The following CADM2 variants were observed in gnomAD, a reference collection of about 807,000 sequenced individuals.
The protein encoded by CADM2 is immunoglobulin superfamily member 4D.
Under a neutral mutation model 49.8 loss-of-function variants are expected in CADM2, and 12 were observed. The ratio of observed to expected loss-of-function variants is 0.24; its 90% CI spans 0.15 to 0.39. The LOEUF is 0.39. Ranked by LOEUF, CADM2 falls within the 10% of genes least tolerant of loss-of-function variation. The probability of loss-of-function intolerance (pLI) is 1.00; values close to 1 mark genes in which losing one functional copy is unlikely to be tolerated. For missense variants in CADM2, 378 were observed against 492.3 expected (o/e 0.77, Z 2.20); for synonymous variants, 214 against 175.4 (o/e 1.22, Z -1.74).
intron 1 of CADM2, among the ~76,000 whole-genome samples, chr3:85,007,583 T>A (rs1269819418): frequency 6.6e-6 from 1 of 152,154 alleles, no homozygotes; most frequent in Non-Finnish European, 1.5e-5. Context: ...TCCGAGAGAA[T>A]GCTTTAACAG....
chr3:85,232,555 G>A (rs933611148), intron 1 of CADM2, among the ~76,000 whole-genome samples: 1 of 151,752 alleles, frequency 6.6e-6, no homozygotes. Flanking sequence ...AATATAAAAA[G>A]AACACTTCAA....
At chr3:85,530,774 C>A (rs1172391193) in intron 1 of CADM2, among the ~76,000 whole-genome samples, 1 of 151,742 alleles carries the variant, frequency 6.6e-6, no homozygotes, top group Non-Finnish European at 1.5e-5. Flanking sequence ...CTAATACATT[C>A]TTATTGGTAG....
intron 1 of CADM2, among the ~76,000 whole-genome samples, chr3:85,643,172 G>A (rs779375456): frequency 6.6e-6 from 1 of 152,218 alleles, no homozygotes; most frequent in African/African-American, 2.4e-5. Flanking sequence ...ATTTTGAATT[G>A]TACCATGCTT....
At chr3:85,268,198 T>C (rs1028481818) in intron 1 of CADM2, among the ~76,000 whole-genome samples, 1 of 151,208 alleles carries the variant, frequency 6.6e-6, no homozygotes, top group African/African-American at 2.4e-5. Flanking sequence ...AATGGCAGAG[T>C]AGGATGTGTC....
intron 8 of CADM2, among the ~76,000 whole-genome samples, chr3:86,035,110 G>A (rs1559814832): frequency 6.6e-6 from 1 of 151,892 alleles, no homozygotes; most frequent in African/African-American, 2.4e-5. Flanking sequence ...AAAATCTTTA[G>A]CATGGCATAC....
At chr3:85,127,264 G>A (rs1014886320) in intron 1 of CADM2, among the ~76,000 whole-genome samples, 3 of 152,104 alleles carry the variant, frequency 2.0e-5, no homozygotes, top group Non-Finnish European at 2.9e-5. Context: ...ATAATACTGT[G>A]CTTCAATGGA....
intron 5 of CADM2, among the ~76,000 whole-genome samples, chr3:85,891,356 T>G (rs1389735071): frequency 1.3e-5 from 2 of 152,214 alleles, no homozygotes; most frequent in Non-Finnish European, 2.9e-5. Context: ...AGATCTTTTC[T>G]ACCTAACTAG....
chr3:85,189,521 T>C (rs1055454872), intron 1 of CADM2, among the ~76,000 whole-genome samples: 2 of 152,208 alleles, frequency 1.3e-5, no homozygotes, highest in African/African-American at 4.8e-5. Context: ...TATATACATT[T>C]AGGTTCTGAA....
Position 85,229,571 on chromosome 3 carries a change from C to T in CADM2, c.61+269903C>T, listed in dbSNP as rs557958038. On this transcript the variant is annotated intron_variant, in intron 1 of 9. Coordinates refer to ENST00000383699, the MANE Select transcript of CADM2 (RefSeq NM_001167675.2). The stretch of plus-strand genomic sequence containing the variant: ...TAGGAGCTGCAGACCAGAGCTGATC[C>T]TATTTGGCCATCTTGCTGGACCCTG... Among the ~76,000 whole-genome samples, 12 of 152,248 alleles carry T rather than the reference C, an allele frequency of 7.9e-5. 1 individual carries two copies. In the South Asian group the frequency reaches 2.5e-3, roughly 32 times the overall value.
rs1308901969 is a variant in CADM2, at chr3:85,499,689, G to A, written c.62-226833G>A. On this transcript the variant is annotated intron_variant, in intron 1 of 9. Coordinates refer to ENST00000383699, the MANE Select transcript of CADM2 (RefSeq NM_001167675.2). ...ATGTACCTTTTTAAGATACAGTTGGGAAAAGAAAGTAAGGTGTTTCTATTT... is the reference window on the plus strand; with the variant it reads ...ATGTACCTTTTTAAGATACAGTTGGAAAAAGAAAGTAAGGTGTTTCTATTT... 2.6e-5 allele frequency among the ~76,000 whole-genome samples: 4 copies of A among 152,002 alleles called. No homozygotes were observed. The East Asian group carries it at 7.7e-4, about 29-fold the overall frequency.
intron 8 of CADM2, among the ~76,000 whole-genome samples, chr3:86,048,909 G>C (rs1035270858): frequency 6.6e-6 from 1 of 151,952 alleles, no homozygotes; most frequent in Non-Finnish European, 1.5e-5. Flanking sequence ...ATAAAACAAG[G>C]CCTCTAACTA....
chr3:85,848,523 C>T (rs1375430613), intron 3 of CADM2, among the ~76,000 whole-genome samples: 1 of 152,062 alleles, frequency 6.6e-6, no homozygotes, highest in Non-Finnish European at 1.5e-5. Context: ...TGTGCAAAAA[C>T]TAATTTAAGA....
At chr3:85,008,065 C>T (rs866865923) in intron 1 of CADM2, among the ~76,000 whole-genome samples, 5 of 152,154 alleles carry the variant, frequency 3.3e-5, no homozygotes, top group Admixed American at 3.3e-4. Context: ...TGGCAAGAAT[C>T]AATGCCTCAG....
At chr3:85,336,387 A>C (rs1296650866) in intron 1 of CADM2, among the ~76,000 whole-genome samples, 1 of 151,598 alleles carries the variant, frequency 6.6e-6, no homozygotes, top group African/African-American at 2.4e-5. Flanking sequence ...AGCAATTTTA[A>C]AATCAACAAG....
intron 1 of CADM2, among the ~76,000 whole-genome samples, chr3:85,421,354 T>C (rs760879035): frequency 3.3e-5 from 5 of 152,216 alleles, no homozygotes; most frequent in Non-Finnish European, 5.9e-5. Flanking sequence ...GTGTTTCTAT[T>C]TTTAAGAGTG....
intron 1 of CADM2, among the ~76,000 whole-genome samples, chr3:85,506,214 A>G (rs2040345007): frequency 6.6e-6 from 1 of 152,180 alleles, no homozygotes. Context: ...AAACAAGTAG[A>G]TTTGGACTTC....
intron 1 of CADM2, among the ~76,000 whole-genome samples, chr3:85,554,008 A>C (rs959933197): frequency 4.6e-5 from 7 of 152,082 alleles, no homozygotes; most frequent in African/African-American, 1.7e-4. Flanking sequence ...TGATCCATTG[A>C]TTATACTTCA....
chr3:85,594,716 G>A (rs566815312), intron 1 of CADM2, among the ~76,000 whole-genome samples: 1 of 151,946 alleles, frequency 6.6e-6, no homozygotes, highest in South Asian at 2.1e-4. Flanking sequence ...TTACTTATTA[G>A]TGAGGTTTTT....
At chr3:85,064,949 CT>C (rs2107456211) in intron 1 of CADM2, among the ~76,000 whole-genome samples, 1 of 152,216 alleles carries the variant, frequency 6.6e-6, no homozygotes, top group South Asian at 2.1e-4. Flanking sequence ...GAGTACTTAT[CT>C]TTTCAAAATA....
Sources: allele counts gnomAD v4.1 joint callset (sites outside exome capture counted in the v4.1 genomes callset), GRCh38; gene constraint gnomAD v4.1.1; transcripts MANE v1.5; gene names NCBI Gene and HGNC (gene_info 2026-07-23, HGNC 2026-07-21).